Variants in SRGAP2 observed in about 807,000 individuals in gnomAD.
The protein encoded by SRGAP2 is SLIT-ROBO Rho GTPase activating protein 2, also known as SLIT-ROBO Rho GTPase-activating protein 2.
A neutral mutation model predicts 57.2 loss-of-function variants in SRGAP2; 15 were observed. The observed-to-expected ratio is 0.26, with a 90% CI of 0.18 to 0.40. The LOEUF is 0.40. Ranked by LOEUF, SRGAP2 falls within the 10% of genes least tolerant of loss-of-function variation. The pLI is 1.00. For missense variants in SRGAP2, 520 were observed against 669.6 expected (o/e 0.78, Z 2.47); for synonymous variants, 249 against 248.0 (o/e 1.00, Z -0.04).
intron 2 of SRGAP2, among the ~76,000 whole-genome samples, chr1:206,284,093 A>C (rs1670886266): frequency 6.6e-6 from 1 of 152,088 alleles, no homozygotes; most frequent in East Asian, 1.9e-4. Flanking sequence ...TGCATTTCAC[A>C]CTCTAGAATG....
chr1:206,461,222 C>T lies in SRGAP2; in HGVS notation c.3018C>T (p.Pro1006=), dbSNP rs1174288585. 9 of 780,536 alleles carry T rather than the reference C, an allele frequency of 1.2e-5. No homozygotes were observed. Among genetic ancestry groups the T allele is most frequent in the African/African-American group, 6.8e-5 (4 of 59,142 alleles). 48.4% of individuals were successfully genotyped at this position (780,536 alleles called of 1,614,324 possible). The stretch of plus-strand genomic sequence containing the variant: ...CCCAGCTCCTCAAGGACCCCGAGCC[C>T]GCCTTCCAGCGCAGCGCCAGTACTG... ...LHTQLLKDPE[P]AFQRSASTAG... The change falls in exon 23 of 23, where the codon CCC becomes CCT. Residue 1006 remains proline, a synonymous_variant. Coordinates refer to ENST00000573034, the MANE Select transcript of SRGAP2 (RefSeq NM_015326.5).
rs1664305092 is a variant in SRGAP2, at chr1:206,461,970, CA to C, written c.*551del. ...TCTGGCATGTGTAGCCTCTCCTGGT[CA>C]TAGACCAGTCTCTTTGTAAGTTATT... On this transcript the variant is annotated 3_prime_UTR_variant, in exon 23 of 23. Coordinates refer to ENST00000573034, the MANE Select transcript of SRGAP2 (RefSeq NM_015326.5). 1 of 152,648 alleles carries C rather than the reference CA, an allele frequency of 6.6e-6. No homozygotes were observed. The highest frequency in any genetic ancestry group is 1.5e-5 in the Non-Finnish European group (1 of 68,420). 9.5% of individuals were successfully genotyped at this position (152,648 alleles called of 1,614,324 possible). A position where few individuals can be genotyped will look rare whatever the true frequency, so the allele number is the denominator to read the frequency against.
intron 14 of SRGAP2, among the ~76,000 whole-genome samples, chr1:206,434,944 T>C (rs1259062832): frequency 6.6e-6 from 1 of 152,258 alleles, no homozygotes; most frequent in African/African-American, 2.4e-5. Context: ...TTATACCATG[T>C]TGTGACATGT....
chr1:206,451,644 T>C (rs1038927587), intron 19 of SRGAP2, among the ~76,000 whole-genome samples: 9 of 152,178 alleles, frequency 5.9e-5, no homozygotes, highest in African/African-American at 1.4e-4. Context: ...ATTTGCTACA[T>C]TCGAGGAGGG....
chr1:206,389,260 CA>C (rs1553349532), intron 5 of SRGAP2, among the ~76,000 whole-genome samples: 2 of 144,766 alleles, frequency 1.4e-5, no homozygotes, highest in Non-Finnish European at 3.0e-5. Flanking sequence ...CTGCAAGCTC[CA>C]CCTCCCAGGT....
chr1:206,441,601 G>A (rs1157250515), intron 17 of SRGAP2, among the ~76,000 whole-genome samples: 3 of 152,320 alleles, frequency 2.0e-5, no homozygotes, highest in Admixed American at 6.5e-5. Context: ...AGATAAAGCC[G>A]AAGATGTGTT....
At position 206,306,411 on chromosome 1, in the gene SRGAP2, C is replaced by T. The variant is rs1558290776; in HGVS notation, c.260+2938C>T. Among the ~76,000 whole-genome samples the T allele has an allele frequency of 3.3e-5, 5 of 152,112 alleles. No homozygotes were observed. The East Asian group carries it at 7.7e-4, about 23-fold the overall frequency. ...GTTCCTCCCGGTGGGCTTGTGGCCT[C>T]GCTGGGCTCAGGAGTGAAGCTGCAG... On this transcript the variant is annotated intron_variant, in intron 3 of 22. Coordinates refer to ENST00000573034, the MANE Select transcript of SRGAP2 (RefSeq NM_015326.5).
In SRGAP2 at chr1:206,383,691, C is replaced by T. The variant is rs537588755; in HGVS notation, c.424-323C>T. On this transcript the variant is annotated intron_variant, in intron 4 of 22. Coordinates refer to ENST00000573034, the MANE Select transcript of SRGAP2 (RefSeq NM_015326.5). Reference sequence around the variant, plus strand: ...TGCAAGTATCTGAGAAACCGTGTTCCACCTAACAACAGTTGCTAGGTAGGA... The same window carrying T: ...TGCAAGTATCTGAGAAACCGTGTTCTACCTAACAACAGTTGCTAGGTAGGA... Among the ~76,000 whole-genome samples the T allele has an allele frequency of 1.1e-4, 17 of 147,958 alleles. 2 individuals carry two copies. The highest frequency in any genetic ancestry group is 4.5e-4 in the African/African-American group (17 of 37,730).
rs569587453 is a variant in SRGAP2 at position 206,364,252 on chromosome 1, A to AT, written c.424-19756dup. ...ATTCTGAAATGGGGGGAAATATCAC[A>AT]TTTTTTATAGATTAACAGGCATCTA... On this transcript the variant is annotated intron_variant, in intron 4 of 22. Coordinates refer to ENST00000573034, the MANE Select transcript of SRGAP2 (RefSeq NM_015326.5). 5.7e-4 allele frequency among the ~76,000 whole-genome samples: 84 copies of AT among 146,144 alleles called. 1 individual carries two copies. The South Asian group carries it at 0.014, about 25-fold the overall frequency.
intron 16 of SRGAP2, among the ~76,000 whole-genome samples, chr1:206,438,436 A>G (rs904780712): frequency 3.9e-5 from 6 of 152,102 alleles, no homozygotes; most frequent in Non-Finnish European, 5.9e-5. Flanking sequence ...TTCATGGTAC[A>G]AGGGGGAAAA....
At chr1:206,419,287 T>C (rs1236267694) in intron 11 of SRGAP2, 86 bp from the exon 12 acceptor site, 1 of 765,188 alleles carries the variant, frequency 1.3e-6, no homozygotes, top group African/African-American at 1.7e-5. Flanking sequence ...CTAGGGGAGA[T>C]AGGCATGGTA....
intron 3 of SRGAP2, among the ~76,000 whole-genome samples, chr1:206,318,912 T>A (rs1204110442): frequency 6.6e-6 from 1 of 151,456 alleles, no homozygotes; most frequent in Non-Finnish European, 1.5e-5. Context: ...AACATGAGAT[T>A]TGGGGGGGGA....
rs1175249484 is a variant in SRGAP2, at chr1:206,364,596, C to T, written c.424-19418C>T. Reference sequence around the variant, plus strand: ...GATTACAGGCATAAGCCACTGCACCCGGCCCTGGGTTGCTCTTCTAAGAAT... The same window carrying T: ...GATTACAGGCATAAGCCACTGCACCTGGCCCTGGGTTGCTCTTCTAAGAAT... On this transcript the variant is annotated intron_variant, in intron 4 of 22. Transcript: ENST00000573034. Among the ~76,000 whole-genome samples the T allele has an allele frequency of 5.3e-5, 8 of 151,556 alleles. No individual in the cohort carries two copies. In the South Asian group the frequency reaches 8.4e-4, roughly 16 times the overall value.
intron 20 of SRGAP2, 154 bp downstream of exon 20, chr1:206,453,534 C>G (rs1171182170): frequency 1.8e-5 from 7 of 382,112 alleles, no homozygotes; most frequent in South Asian, 1.2e-4. Context: ...GAGCACCCCC[C>G]CCACCCCCCG....
intron 4 of SRGAP2, among the ~76,000 whole-genome samples, chr1:206,354,527 T>G (rs754671809): frequency 1.1e-4 from 17 of 152,230 alleles, no homozygotes; most frequent in Non-Finnish European, 1.8e-4. Context: ...CCTGTTTGCC[T>G]TGGGCTGAGG....
chr1:206,434,406 A>G (rs1661551620), intron 14 of SRGAP2, among the ~76,000 whole-genome samples: 1 of 152,230 alleles, frequency 6.6e-6, no homozygotes, highest in African/African-American at 2.4e-5. Flanking sequence ...ACTTTTGGCA[A>G]TGGTTGGATC....
chr1:206,286,114 A>C (rs1358595877), intron 2 of SRGAP2, among the ~76,000 whole-genome samples: 1 of 151,106 alleles, frequency 6.6e-6, no homozygotes, highest in African/African-American at 2.4e-5. Context: ...CTTTGTCTTC[A>C]TACTCCATGG....
chr1:206,419,244 C>A, intron 11 of SRGAP2, 129 bp from the exon 12 acceptor site: 1 of 677,746 alleles, frequency 1.5e-6, no homozygotes, highest in South Asian at 1.6e-5. Flanking sequence ...TCTCTCTCCT[C>A]TCTTTTGCCA....
At chr1:206,446,454 CA>C (rs1662770273) in intron 18 of SRGAP2, among the ~76,000 whole-genome samples, 155 bp downstream of exon 18, 1 of 152,208 alleles carries the variant, frequency 6.6e-6, no homozygotes, top group Non-Finnish European at 1.5e-5. Context: ...AGGCAGCCCC[CA>C]CCTCGGCCCC....
Sources: gnomAD v4.1 joint callset for allele counts (sites outside exome capture counted in the v4.1 genomes callset) on GRCh38, gnomAD v4.1.1 for gene constraint, MANE v1.5 for transcripts, NCBI Gene and HGNC (gene_info 2026-07-23, HGNC 2026-07-21) for gene names.